Variants in ENPP6 observed in about 807,000 individuals in gnomAD.
ENPP6 encodes ectonucleotide pyrophosphatase/phosphodiesterase 6, also known as glycerophosphocholine cholinephosphodiesterase ENPP6.
A neutral mutation model predicts 42.0 loss-of-function variants in ENPP6; 32 were observed. The observed-to-expected ratio is 0.76, with a 90% CI of 0.58 to 1.02. The LOEUF is 1.02. ENPP6 is among the 50% of genes least tolerant of loss of function. ENPP6 has a pLI of 0.00. For synonymous variants in ENPP6, 213 were observed against 216.0 expected, an observed-to-expected ratio of 0.99 and a Z score of 0.12; for missense variants, 552 against 566.8, an observed-to-expected ratio of 0.97 and a Z score of 0.27.
intron 7 of ENPP6, among the ~76,000 whole-genome samples, chr4:184,093,768 A>T (rs1040691730): frequency 6.6e-6 from 1 of 152,056 alleles, no homozygotes; most frequent in Non-Finnish European, 1.5e-5. Flanking sequence ...TCAGATGAGG[A>T]TGGTAGTTAC....
At chr4:184,194,539 A>G (rs1267036737) in intron 1 of ENPP6, among the ~76,000 whole-genome samples, 3 of 152,244 alleles carry the variant, frequency 2.0e-5, no homozygotes, top group African/African-American at 7.2e-5. Flanking sequence ...TAAGAATTTC[A>G]AAACAGTGAC....
At chr4:184,141,119 G>C (rs1275531075) in intron 2 of ENPP6, among the ~76,000 whole-genome samples, 3 of 152,178 alleles carry the variant, frequency 2.0e-5, no homozygotes, top group Non-Finnish European at 4.4e-5. Context: ...ATTTAACCGA[G>C]GTGAATTTGC....
intron 2 of ENPP6, among the ~76,000 whole-genome samples, chr4:184,131,204 C>CTTTCTT (rs1560987306): frequency 1.8e-4 from 8 of 45,194 alleles, no homozygotes; most frequent in Admixed American, 3.7e-4. Context: ...TTTCTTTCTT[C>CTTTCTT]TTTCTTTCTT....
rs1735743720 is a variant in ENPP6, at chr4:184,089,285, T to C, written c.*1892A>G. The C allele has an allele frequency of 6.6e-6, 1 of 152,174 alleles. No individual in the cohort carries two copies. Among genetic ancestry groups the C allele is most frequent in the African/African-American group, 2.4e-5 (1 of 41,440 alleles). The allele number at this position is 152,174 out of a possible 1,614,324, so 9.4% of individuals were successfully genotyped here. A position where few individuals can be genotyped will look rare whatever the true frequency, so the allele number is the denominator to read the frequency against. ...GTATTTTTAAGCAGTGATCCTTTGC[T>C]CTCATGATTCATGGCATGGAGACAG... is the stretch of plus-strand genomic sequence containing the variant. On this transcript the variant is annotated 3_prime_UTR_variant, in exon 8 of 8. Transcript: ENST00000296741.
chr4:184,155,946 G>A (rs760733445), intron 1 of ENPP6, among the ~76,000 whole-genome samples: 1 of 152,124 alleles, frequency 6.6e-6, no homozygotes, highest in African/African-American at 2.4e-5. Flanking sequence ...ATTATAAGGA[G>A]CTTCTTGTGG....
chr4:184,098,861 A>C (rs2111330267), intron 6 of ENPP6, among the ~76,000 whole-genome samples: 1 of 152,258 alleles, frequency 6.6e-6, no homozygotes, highest in Middle Eastern at 3.4e-3. Context: ...CAATATTACA[A>C]ATATTTACTA....
At chr4:184,142,113 C>T (rs768751182) in intron 2 of ENPP6, among the ~76,000 whole-genome samples, 7 of 152,220 alleles carry the variant, frequency 4.6e-5, no homozygotes, top group African/African-American at 9.6e-5. Context: ...TTCCACTGTG[C>T]GCACTGCCTT....
intron 1 of ENPP6, among the ~76,000 whole-genome samples, chr4:184,191,878 A>G (rs1412486648): frequency 1.3e-5 from 2 of 152,252 alleles, no homozygotes; most frequent in Non-Finnish European, 2.9e-5. Context: ...AGATAATTCC[A>G]TTCACATTAA....
chr4:184,160,750 C>T (rs1329886678), intron 1 of ENPP6, among the ~76,000 whole-genome samples: 3 of 152,136 alleles, frequency 2.0e-5, no homozygotes, highest in Admixed American at 1.3e-4. Context: ...CTACTTCCAC[C>T]AAGATTCTCA....
chr4:184,149,556 A>G (rs1736988062), intron 2 of ENPP6, among the ~76,000 whole-genome samples: 1 of 152,190 alleles, frequency 6.6e-6, no homozygotes, highest in African/African-American at 2.4e-5. Flanking sequence ...TGCCCTGGGC[A>G]GGAAGAGGCC....
intron 2 of ENPP6, among the ~76,000 whole-genome samples, chr4:184,131,299 CCTTCCTTCCTTT>C (rs1736627447): frequency 6.9e-6 from 1 of 145,282 alleles, no homozygotes; most frequent in African/African-American, 2.6e-5. Flanking sequence ...TTCCTTCCTT[CCTTCCTTCCTTT>C]CTCTCTCCTC....
chr4:184,134,131 G>GATTTATTTATTTATTTATATTT (rs1736689064), intron 2 of ENPP6, among the ~76,000 whole-genome samples: 1 of 147,188 alleles, frequency 6.8e-6, no homozygotes, highest in Non-Finnish European at 1.5e-5. Flanking sequence ...TTATGGAAGT[G>GATTTATTTATTTATTTATATTT]ATTTATTTAT....
At chr4:184,123,419 C>T (rs1051169207) in intron 3 of ENPP6, among the ~76,000 whole-genome samples, 17 of 152,200 alleles carry the variant, frequency 1.1e-4, no homozygotes, top group South Asian at 2.1e-4. Flanking sequence ...TTCTGCCTGA[C>T]GCACACAGGA....
intron 7 of ENPP6, among the ~76,000 whole-genome samples, chr4:184,095,039 T>C (rs1465030381): frequency 1.3e-5 from 2 of 152,208 alleles, no homozygotes; most frequent in Non-Finnish European, 2.9e-5. Context: ...AAGGCCTTGC[T>C]CTTAAATTTT....
chr4:184,143,667 G>A (rs1736868639), intron 2 of ENPP6, among the ~76,000 whole-genome samples: 1 of 152,212 alleles, frequency 6.6e-6, no homozygotes, highest in Admixed American at 6.5e-5. Context: ...GGGCAATCTG[G>A]AACATGGCTC....
At chr4:184,130,513 A>C (rs71638114) in intron 2 of ENPP6, among the ~76,000 whole-genome samples, 1 of 54,612 alleles carries the variant, frequency 1.8e-5, no homozygotes, top group Non-Finnish European at 4.1e-5. Context: ...AGCCGAGATC[A>C]CACCACTGCA....
chr4:184,166,882 G>A (rs955150522), intron 1 of ENPP6, among the ~76,000 whole-genome samples: 6 of 152,210 alleles, frequency 3.9e-5, no homozygotes, highest in Non-Finnish European at 7.3e-5. Flanking sequence ...GGTTGGCTGC[G>A]TTCCTCACAC....
At chr4:184,187,205 T>C (rs932772270) in intron 1 of ENPP6, among the ~76,000 whole-genome samples, 79 of 152,254 alleles carry the variant, frequency 5.2e-4, no homozygotes, top group African/African-American at 1.9e-3. Context: ...TTGCTGGGAA[T>C]CCTCAAGCTG....
At chr4:184,115,001 C>T (rs897359528) in intron 5 of ENPP6, among the ~76,000 whole-genome samples, 1 of 152,084 alleles carries the variant, frequency 6.6e-6, no homozygotes, top group Admixed American at 6.5e-5. Flanking sequence ...CAACCCCAAA[C>T]AGACAGATCT....
Sources: gnomAD v4.1 joint callset for allele counts (sites outside exome capture counted in the v4.1 genomes callset) on GRCh38, gnomAD v4.1.1 for gene constraint, MANE v1.5 for transcripts, NCBI Gene and HGNC (gene_info 2026-07-23, HGNC 2026-07-21) for gene names.